ARHGEF33: variants seen among roughly 807,000 people sequenced by gnomAD.
ARHGEF33 encodes the protein DH and coiled-coil domain-containing protein ENSP00000381780.
In ARHGEF33, 72 loss-of-function variants were observed where a neutral mutation model predicts 101.9. The ratio of observed to expected loss-of-function variants is 0.71; its 90% CI spans 0.58 to 0.86. The LOEUF (loss-of-function observed/expected upper bound fraction) is 0.86. ARHGEF33 is among the 40% of genes least tolerant of loss of function. ARHGEF33 has a pLI of 0.00. For synonymous variants in ARHGEF33, 499 were observed against 442.5 expected (o/e 1.13, Z -1.60); for missense variants, 1,169 against 1,111.3 (o/e 1.05, Z -0.74).
intron 10 of ARHGEF33, among the ~76,000 whole-genome samples, chr2:38,945,404 A>G (rs1326493399): frequency 6.6e-6 from 1 of 152,224 alleles, no homozygotes; most frequent in African/African-American, 2.4e-5. Flanking sequence ...ACAGAGGTAA[A>G]CCAAATATGA....
At position 38,929,841 on chromosome 2, in the gene ARHGEF33, T is replaced by C. The variant is rs1666955218; in HGVS notation, c.362+11T>C. 4 of 1,550,420 alleles carry C rather than the reference T, an allele frequency of 2.6e-6. No homozygotes were observed. Among genetic ancestry groups the C allele is most frequent in the Non-Finnish European group, 3.5e-6 (4 of 1,146,184 alleles). On this transcript the variant is annotated intron_variant, in intron 6 of 17. Coordinates refer to ENST00000409978, the MANE Select transcript of ARHGEF33 (RefSeq NM_001145451.5). Reference sequence around the variant, plus strand: ...AAAAGTTAAAGCCAAGTGAGTGTCTTTTAAAAATGTACCAAAGGCAAACCC... The same window carrying C: ...AAAAGTTAAAGCCAAGTGAGTGTCTCTTAAAAATGTACCAAAGGCAAACCC...
At chr2:38,923,720 C>T (rs1666809679) in intron 4 of ARHGEF33, among the ~76,000 whole-genome samples, 1 of 152,164 alleles carries the variant, frequency 6.6e-6, no homozygotes, top group Non-Finnish European at 1.5e-5. Flanking sequence ...TGCAGTCATT[C>T]AGTCTTGTGC....
chr2:38,958,724 G>A (rs75026562), intron 15 of ARHGEF33, among the ~76,000 whole-genome samples: 1 of 147,226 alleles, frequency 6.8e-6, no homozygotes, highest in African/African-American at 2.5e-5. Context: ...ATTTTTTTTT[G>A]AGACCGAGGT....
intron 1 of ARHGEF33, among the ~76,000 whole-genome samples, chr2:38,892,526 G>C (rs1223502068): frequency 6.6e-6 from 1 of 152,070 alleles, no homozygotes; most frequent in Non-Finnish European, 1.5e-5. Flanking sequence ...TTTCTTTTTT[G>C]AGACATTTTA....
chr2:38,950,533 C>G (rs1313780815), intron 10 of ARHGEF33, among the ~76,000 whole-genome samples: 1 of 152,174 alleles, frequency 6.6e-6, no homozygotes, highest in Non-Finnish European at 1.5e-5. Flanking sequence ...CTCACTGCAA[C>G]CTGTACCTCC....
chr2:38,960,367 A>G lies in ARHGEF33; in HGVS notation c.2062A>G (p.Ser688Gly). Residue 688 changes from serine to glycine, a missense_variant, in exon 16 of 18, where the codon AGC (serine) becomes GGC (glycine). Transcript: ENST00000409978. ...KSATSPAGSS[S>G]AYKLEAAAQA... ...CGCTACGTCGCCGGCGGGCAGCAGCAGCGCCTACAAACTGGAGGCGGCGGC... is the reference window on the plus strand; with the variant it reads ...CGCTACGTCGCCGGCGGGCAGCAGCGGCGCCTACAAACTGGAGGCGGCGGC... The G allele has an allele frequency of 6.6e-7, 1 of 1,524,926 alleles. No individual in the cohort carries two copies. The highest frequency in any genetic ancestry group is 8.8e-7 in the Non-Finnish European group (1 of 1,140,786). 94.5% of individuals were successfully genotyped at this position (1,524,926 alleles called of 1,614,324 possible).
chr2:38,948,604 A>G (rs1459868402), intron 10 of ARHGEF33, among the ~76,000 whole-genome samples: 2 of 152,074 alleles, frequency 1.3e-5, no homozygotes, highest in African/African-American at 4.8e-5. Flanking sequence ...GGGAGGGAGG[A>G]AGGGGAATGA....
At chr2:38,955,688 A>G (rs1032871937) in intron 13 of ARHGEF33, among the ~76,000 whole-genome samples, 2 of 148,608 alleles carry the variant, frequency 1.3e-5, no homozygotes, top group African/African-American at 5.0e-5. Flanking sequence ...ATTTATTTTT[A>G]TTTTTTGAGA....
chr2:38,890,661 A>C (rs1665975794), intron 1 of ARHGEF33, among the ~76,000 whole-genome samples: 1 of 152,220 alleles, frequency 6.6e-6, no homozygotes, highest in Non-Finnish European at 1.5e-5. Context: ...TTATATGCTG[A>C]AATAGTATTC....
chr2:38,921,959 A>G (rs762115479), intron 4 of ARHGEF33, among the ~76,000 whole-genome samples: 5 of 152,218 alleles, frequency 3.3e-5, no homozygotes, highest in Non-Finnish European at 7.3e-5. Context: ...ATATCTGTAC[A>G]GGAAAAACTT....
Position 38,958,110 on chromosome 2 carries a change from G to C in ARHGEF33, c.1447G>C (p.Gly483Arg). Residue 483 changes from glycine to arginine, a missense_variant, in exon 15 of 18, where the codon GGT becomes CGT. Physicochemically the swap from Gly to Arg is moderately radical, Grantham distance 125. Coordinates refer to ENST00000409978, the MANE Select transcript of ARHGEF33 (RefSeq NM_001145451.5). ...TGGGCAAGATGCTTCCCCCACTGCA[G>C]GTCCTGAGGCTGTCCGTGACACTGG... Reference protein sequence around the residue: ...NAGQDASPTAGPEAVRDTGIH... With the variant: ...NAGQDASPTARPEAVRDTGIH... 6.4e-7 allele frequency: 1 copy of C among 1,552,152 alleles called. No homozygotes were observed. Among genetic ancestry groups the C allele is most frequent in the Non-Finnish European group, 8.7e-7 (1 of 1,147,102 alleles).
At chr2:38,929,156 C>G (rs973227392) in intron 5 of ARHGEF33, 85 bp downstream of exon 5, 1 of 1,055,354 alleles carries the variant, frequency 9.5e-7, no homozygotes, top group East Asian at 2.7e-5. Context: ...TCTGGCTGGG[C>G]GTGGTGGCTC....
chr2:38,967,135 C>T (rs560618816), intron 17 of ARHGEF33, among the ~76,000 whole-genome samples: 5 of 152,324 alleles, frequency 3.3e-5, no homozygotes, highest in South Asian at 2.1e-4. Context: ...CCTTGAAGGT[C>T]GAGGTCACTG....
chr2:38,912,659 CAT>C (rs993738447), intron 2 of ARHGEF33, among the ~76,000 whole-genome samples: 1 of 152,068 alleles, frequency 6.6e-6, no homozygotes. Flanking sequence ...AAAATGATGA[CAT>C]GTTTTCTCAA....
intron 13 of ARHGEF33, among the ~76,000 whole-genome samples, chr2:38,956,558 G>A (rs1390046284): frequency 2.6e-5 from 4 of 152,128 alleles, no homozygotes; most frequent in African/African-American, 9.7e-5. Flanking sequence ...TCATTGGTCT[G>A]GCTCTTTTGA....
intron 10 of ARHGEF33, among the ~76,000 whole-genome samples, chr2:38,949,514 T>TGACG (rs1667538936): frequency 6.6e-6 from 1 of 152,008 alleles, no homozygotes; most frequent in African/African-American, 2.4e-5. Flanking sequence ...CACCCTTCTC[T>TGACG]GACGTCTCCC....
intron 10 of ARHGEF33, among the ~76,000 whole-genome samples, chr2:38,948,895 C>G (rs535420532): frequency 4.7e-4 from 71 of 152,304 alleles, no homozygotes; most frequent in Admixed American, 1.7e-3. Flanking sequence ...CCTCCAAATT[C>G]CCCTCTGATC....
intron 17 of ARHGEF33, among the ~76,000 whole-genome samples, chr2:38,969,913 T>A (rs958936037): frequency 1.3e-5 from 2 of 152,178 alleles, no homozygotes; most frequent in African/African-American, 4.8e-5. Flanking sequence ...AAACCTAGAT[T>A]ATTGTGAAGT....
intron 1 of ARHGEF33, among the ~76,000 whole-genome samples, chr2:38,890,968 G>GTTTTTTTTTTTTTTTTTTTT (rs11380408): frequency 6.9e-6 from 1 of 145,012 alleles, no homozygotes; most frequent in Non-Finnish European, 1.5e-5. Context: ...CATACTATTG[G>GTTTTTTTTTTTTTTTTTTTT]TTTTTTTTTT....
Sources: gnomAD v4.1 joint callset for allele counts (sites outside exome capture counted in the v4.1 genomes callset) on GRCh38, gnomAD v4.1.1 for gene constraint, MANE v1.5 for transcripts, NCBI Gene and HGNC (gene_info 2026-07-23, HGNC 2026-07-21) for gene names.